ARID5B: variants seen among roughly 807,000 people sequenced by gnomAD.
ARID5B encodes AT-rich interaction domain 5B.
A neutral mutation model predicts 97.2 loss-of-function variants in ARID5B; 13 were observed. The ratio of observed to expected loss-of-function variants is 0.13; its 90% confidence interval spans 0.09 to 0.21. The LOEUF (loss-of-function observed/expected upper bound fraction) is 0.21, where lower values mean the gene tolerates loss of function less well. ARID5B is among the 10% of genes least tolerant of loss of function. The pLI, the probability that ARID5B is intolerant of heterozygous loss-of-function variation, is 1.00. For missense variants in ARID5B, 1,210 were observed against 1,465.3 expected, an observed-to-expected ratio of 0.83 and a Z score of 2.84; for synonymous variants, 556 against 570.3, an observed-to-expected ratio of 0.97 and a Z score of 0.36.
intron 3 of ARID5B, among the ~76,000 whole-genome samples, chr10:61,967,644 G>A (rs1203741773): frequency 6.6e-6 from 1 of 152,244 alleles, no homozygotes; most frequent in Non-Finnish European, 1.5e-5. Flanking sequence ...TAGATGATTT[G>A]TACTGTGTAG....
chr10:61,938,964 AGTGTGTGTGTGTGTGTGT>A (rs60329829), intron 2 of ARID5B, among the ~76,000 whole-genome samples: 3 of 125,196 alleles, frequency 2.4e-5, no homozygotes, highest in African/African-American at 9.1e-5. Flanking sequence ...GAATTGGAGA[AGTGTGTGTGTGTGTGTGT>A]GTGTGTGTGT....
chr10:62,037,100 C>G (rs7907712), intron 4 of ARID5B, among the ~76,000 whole-genome samples: 3 of 152,166 alleles, frequency 2.0e-5, no homozygotes, highest in African/African-American at 7.2e-5. Flanking sequence ...AATCTAGACT[C>G]TAATTTTTTA....
At chr10:62,051,159 C>T (rs1436290620) in intron 5 of ARID5B, 159 bp downstream of exon 5, 9 of 719,338 alleles carry the variant, frequency 1.3e-5, no homozygotes, top group Non-Finnish European at 2.0e-5. Context: ...CTGTTCCTGC[C>T]ACCTCCCTTC....
At chr10:61,962,321 A>G (rs989668428) in intron 3 of ARID5B, among the ~76,000 whole-genome samples, 1 of 152,248 alleles carries the variant, frequency 6.6e-6, no homozygotes, top group African/African-American at 2.4e-5. Context: ...CTTTAGCAGC[A>G]CACAAAAAAC....
Position 62,000,853 on chromosome 10 carries a change from A to ATAGC in ARID5B, c.733+535_733+536insCTAG, listed in dbSNP as rs1839069079. Reference sequence around the variant, plus strand: ...AGATGATAGATAGATAGATAGATAGATAGATAGATAGATAGATAGATGATA... The same window carrying ATAGC: ...AGATGATAGATAGATAGATAGATAGATAGCTAGATAGATAGATAGATAGATGATA... On this transcript the variant is annotated intron_variant, in intron 4 of 9. Transcript: ENST00000279873. The surrounding 1 kb of genome is among the most constrained non-coding windows in gnomAD (Gnocchi z 4.4). Among the ~76,000 whole-genome samples the ATAGC allele has an allele frequency of 1.3e-5, 2 of 152,152 alleles. No individual in the cohort carries two copies. Among genetic ancestry groups the ATAGC allele is most frequent in the South Asian group, 4.2e-4 (2 of 4,814 alleles).
chr10:62,080,126 G>A (rs925991061), intron 8 of ARID5B, among the ~76,000 whole-genome samples: 6 of 152,174 alleles, frequency 3.9e-5, no homozygotes, highest in Non-Finnish European at 8.8e-5. Context: ...TCATGTCAGC[G>A]TGGCTTCTTA....
At chr10:61,951,713 G>GA (rs1464643330) in intron 3 of ARID5B, among the ~76,000 whole-genome samples, 80 of 152,270 alleles carry the variant, frequency 5.3e-4, no homozygotes, top group African/African-American at 1.8e-3. Flanking sequence ...CTCCCACTCA[G>GA]AAGTGCTGTT....
At chr10:61,943,571 G>A (rs1030545258) in intron 3 of ARID5B, among the ~76,000 whole-genome samples, 1 of 151,438 alleles carries the variant, frequency 6.6e-6, no homozygotes, top group Admixed American at 6.6e-5. Context: ...TTTTAACTGA[G>A]TTATTTCATA....
chr10:62,076,223 C>T (rs1332563242), intron 8 of ARID5B, among the ~76,000 whole-genome samples: 2 of 152,068 alleles, frequency 1.3e-5, no homozygotes, highest in South Asian at 2.1e-4. Context: ...AGTCAAAGGC[C>T]GTACACACAT....
At chr10:61,963,134 G>A (rs79845941) in intron 3 of ARID5B, among the ~76,000 whole-genome samples, 1,562 of 152,172 alleles carry the variant, frequency 0.01, 22 homozygotes, top group African/African-American at 0.036. Context: ...TATGACATGT[G>A]TCTCAACAAA....
intron 4 of ARID5B, among the ~76,000 whole-genome samples, chr10:62,031,768 A>C (rs1278498968): frequency 1.3e-5 from 2 of 151,284 alleles, no homozygotes; most frequent in African/African-American, 4.8e-5. Flanking sequence ...TTTCAGCTCC[A>C]GTCTTCACTG....
chr10:62,074,630 T>C (rs1840104489), intron 8 of ARID5B, among the ~76,000 whole-genome samples: 1 of 152,168 alleles, frequency 6.6e-6, no homozygotes, highest in Admixed American at 6.5e-5. Flanking sequence ...GAAAGGTGAG[T>C]TACAGTTCTG....
At chr10:61,944,725 G>T (rs1363464500) in intron 3 of ARID5B, among the ~76,000 whole-genome samples, 2 of 152,186 alleles carry the variant, frequency 1.3e-5, no homozygotes, top group African/African-American at 4.8e-5. Flanking sequence ...ACAACAGAAT[G>T]TATTTTAGGC....
chr10:62,048,758 G>A (rs1839745525), intron 4 of ARID5B, among the ~76,000 whole-genome samples: 1 of 152,282 alleles, frequency 6.6e-6, no homozygotes, highest in South Asian at 2.1e-4. Flanking sequence ...AAGTTCTGTC[G>A]AAAAGGCCTT....
At chr10:62,065,642 G>C (rs1204909912) in intron 7 of ARID5B, among the ~76,000 whole-genome samples, 1 of 151,992 alleles carries the variant, frequency 6.6e-6, no homozygotes, top group Admixed American at 6.6e-5. Flanking sequence ...TCAGGAGATC[G>C]AGACCATCCT....
intron 3 of ARID5B, among the ~76,000 whole-genome samples, chr10:61,997,934 A>G (rs1839023771): frequency 6.6e-6 from 1 of 152,194 alleles, no homozygotes; most frequent in Non-Finnish European, 1.5e-5. Context: ...AAAATCTCAG[A>G]TGGGCATGCC....
intron 9 of ARID5B, 109 bp downstream of exon 9, chr10:62,086,009 T>C: frequency 1.7e-6 from 2 of 1,158,336 alleles, no homozygotes; most frequent in South Asian, 1.5e-5. Context: ...GATGGCTTGA[T>C]GAAGAAACCA....
At chr10:61,909,952 A>G (rs1473249626) in intron 2 of ARID5B, among the ~76,000 whole-genome samples, 2 of 152,212 alleles carry the variant, frequency 1.3e-5, no homozygotes, top group African/African-American at 4.8e-5. Context: ...GTCAACCCAT[A>G]AAAAGTCAGG....
intron 2 of ARID5B, among the ~76,000 whole-genome samples, chr10:61,924,128 A>C (rs1022996297): frequency 3.9e-5 from 6 of 152,246 alleles, no homozygotes; most frequent in Non-Finnish European, 7.3e-5. Flanking sequence ...GGAAAGCTGC[A>C]CAAGTTTTCA....
Sources: allele counts gnomAD v4.1 joint callset (sites outside exome capture counted in the v4.1 genomes callset), GRCh38; gene constraint gnomAD v4.1.1; non-coding constraint Gnocchi (gnomAD v3.1); transcripts MANE v1.5; gene names NCBI Gene and HGNC (gene_info 2026-07-23, HGNC 2026-07-21).